C9orf78: variants seen among roughly 807,000 people sequenced by gnomAD.
C9orf78 encodes the protein chromosome 9 open reading frame 78.
Under a neutral mutation model 37.4 loss-of-function variants are expected in C9orf78, and 19 were observed. The observed-to-expected ratio is 0.51, with a 90% confidence interval of 0.35 to 0.74. The LOEUF is 0.74. Ranked by LOEUF, C9orf78 falls within the 30% of genes least tolerant of loss-of-function variation. The pLI is 0.01. For missense variants in C9orf78, 291 were observed against 370.8 expected (o/e 0.78, Z 1.77); for synonymous variants, 130 against 128.0 (o/e 1.02, Z -0.10).
Position 129,830,818 on chromosome 9 carries a change from A to C in C9orf78, c.542+53T>G, listed in dbSNP as rs949603485. The C allele has an allele frequency of 2.3e-6, 3 of 1,322,854 alleles. No homozygotes were observed. In the African/African-American group the frequency reaches 4.3e-5, roughly 19 times the overall value. The allele number at this position is 1,322,854 out of a possible 1,614,324, so 81.9% of individuals were successfully genotyped here. On this transcript the variant is annotated intron_variant, in intron 6 of 8. Coordinates refer to ENST00000372447, the MANE Select transcript of C9orf78 (RefSeq NM_016520.3). ...AGCCACCGTGCCTGGCCTGTCCCCC[A>C]TAACTTTTAACTGGAAAGCACTGTG...
chr9:129,833,819 G>A, intron 2 of C9orf78, 110 bp from the exon 3 acceptor site: 6 of 569,142 alleles, frequency 1.1e-5, no homozygotes, highest in Non-Finnish European at 1.9e-5. Flanking sequence ...GCAAGGGTGG[G>A]ATTTGAGGGG....
chr9:129,833,328 C>G, intron 4 of C9orf78, 119 bp downstream of exon 4: 1 of 687,616 alleles, frequency 1.5e-6, no homozygotes, highest in East Asian at 2.5e-5. Context: ...TTGCAAAGCA[C>G]AAAACCTGCT....
rs751175479 is a variant in C9orf78 at position 129,829,390 on chromosome 9, C to T, written c.679+15G>A. 10 of 1,612,120 alleles carry T rather than the reference C, an allele frequency of 6.2e-6. No homozygotes were observed. The African/African-American group carries it at 1.1e-4, about 17-fold the overall frequency. The stretch of plus-strand genomic sequence containing the variant: ...ATAGGGGAATGGGGGCAAGACTGCT[C>T]TCCGAGGGGCTTACATCTGTTGTGC... On this transcript the variant is annotated intron_variant, in intron 7 of 8. Coordinates refer to ENST00000372447, the MANE Select transcript of C9orf78 (RefSeq NM_016520.3).
intron 2 of C9orf78, chr9:129,834,464 T>C (rs2031624423): frequency 2.1e-6 from 1 of 472,026 alleles, no homozygotes; most frequent in African/African-American, 2.0e-5. Flanking sequence ...TAATTGGTTT[T>C]AATAAAAAAC....
chr9:129,833,673 C>G lies in C9orf78; in HGVS notation c.180G>C (p.Glu60Asp). Residue 60 changes from glutamate (E) to aspartate (D), a missense_variant, in exon 3 of 9, where the codon GAG (glutamate) becomes GAC (aspartate). Glu to Asp is a conservative substitution (Grantham distance 45). Transcript: ENST00000372447. ...CATAACTTACCACTAGAGTGGTCTC[C>G]TCTTGTACCTTCTCTCCCACCAGCA... is the stretch of plus-strand genomic sequence containing the variant. ...VALLVGEKVQ[E>D]ETTLVDDPFQ... 1.9e-6 allele frequency: 3 copies of G among 1,611,718 alleles called. No homozygotes were observed. The highest frequency in any genetic ancestry group is 2.5e-6 in the Non-Finnish European group (3 of 1,178,174).
intron 6 of C9orf78, chr9:129,829,765 C>T: frequency 2.1e-6 from 1 of 467,048 alleles, no homozygotes; most frequent in East Asian, 3.4e-5. Flanking sequence ...AATTGAGCTT[C>T]AGAGAAGTAA....
At chr9:129,833,954 T>C (rs1203579828) in intron 2 of C9orf78, 2 of 500,896 alleles carry the variant, frequency 4.0e-6, no homozygotes, top group African/African-American at 1.9e-5. Flanking sequence ...TGTAAAGCCA[T>C]TTGGCATTAT....
At position 129,829,260 on chromosome 9, in the gene C9orf78, T is replaced by G. The variant is rs977601405; in HGVS notation, c.723A>C (p.Glu241Asp). The stretch of plus-strand genomic sequence containing the variant: ...CTCTCAAGGGCCGGGCCTTGGGCTC[T>G]TCTTTGTTTCTCCGTATGGGCGCGT... ...ELNAPIRRNK[E>D]EPKARPLRVG... The change falls in exon 8 of 9, where the codon GAA becomes GAC. Residue 241 changes from glutamate to aspartate, a missense_variant. This residue lies in a region of C9orf78 where 120 missense variants were observed against 148.7 expected (regional missense o/e 0.81). Transcript: ENST00000372447. 1 of 1,612,338 alleles carries G rather than the reference T, an allele frequency of 6.2e-7. No individual in the cohort carries two copies. Among genetic ancestry groups the G allele is most frequent in the Non-Finnish European group, 8.5e-7 (1 of 1,179,432 alleles).
chr9:129,831,339 A>G (rs1312669176), intron 5 of C9orf78: 2 of 482,150 alleles, frequency 4.1e-6, no homozygotes, highest in Non-Finnish European at 7.4e-6. Flanking sequence ...TGTTGGCAAA[A>G]TAAAAAGTGG....
chr9:129,833,141 T>G (rs2031554419), intron 4 of C9orf78, among the ~76,000 whole-genome samples: 1 of 150,662 alleles, frequency 6.6e-6, no homozygotes, highest in African/African-American at 2.4e-5. Flanking sequence ...CTCACTATGT[T>G]GCCCAGGCTG....
intron 4 of C9orf78, among the ~76,000 whole-genome samples, chr9:129,833,067 ATGTGTGTGTG>A (rs3054828): frequency 2.9e-5 from 4 of 139,888 alleles, no homozygotes; most frequent in Admixed American, 1.4e-4. Flanking sequence ...GTGTGTACAT[ATGTGTGTGTG>A]TGTGTGTGTG....
At chr9:129,830,822 C>T (rs2031475103) in intron 6 of C9orf78, 49 bp downstream of exon 6, 2 of 1,377,664 alleles carry the variant, frequency 1.5e-6, no homozygotes, top group South Asian at 2.3e-5. Flanking sequence ...TCCCCCATAA[C>T]TTTTAACTGG....
intron 2 of C9orf78, 172 bp from the exon 3 acceptor site, chr9:129,833,881 G>C (rs1057173267): frequency 4.9e-6 from 3 of 606,114 alleles, no homozygotes; most frequent in Non-Finnish European, 5.9e-6. Context: ...AGGGCTCAAC[G>C]AGCACCGCAG....
At chr9:129,833,748 G>A (rs1049449940) in intron 2 of C9orf78, 39 bp from the exon 3 acceptor site, 1 of 1,473,850 alleles carries the variant, frequency 6.8e-7, no homozygotes, top group African/African-American at 1.4e-5. Context: ...GGGAGAGAGA[G>A]AAATGGCATA....
chr9:129,832,674 G>A (rs55815534), intron 4 of C9orf78, among the ~76,000 whole-genome samples: 11,077 of 152,248 alleles, frequency 0.073, 505 homozygotes, highest in Non-Finnish European at 0.096. Context: ...CCTGACCTCA[G>A]GTAATCCGCC....
At position 129,833,612 on chromosome 9, in the gene C9orf78, G is replaced by A. The variant is rs753258332; in HGVS notation, c.195+46C>T. 2.7e-6 allele frequency: 4 copies of A among 1,485,950 alleles called. No individual in the cohort carries two copies. In the South Asian group the frequency reaches 3.4e-5, roughly 13 times the overall value. The allele number at this position is 1,485,950 out of a possible 1,614,324, so 92.0% of individuals were successfully genotyped here. On this transcript the variant is annotated intron_variant, in intron 3 of 8. Transcript: ENST00000372447. ...GCACGCTCACTCACTGAAGAGCACT[G>A]CAGGGAGGGCTGCCATAACTACTCA...
intron 5 of C9orf78, chr9:129,831,594 T>C (rs999465938): frequency 3.6e-6 from 1 of 280,944 alleles, no homozygotes; most frequent in African/African-American, 2.2e-5. Flanking sequence ...CCAGCTAATT[T>C]TGTATTTTCA....
At position 129,833,650 on chromosome 9, in the gene C9orf78, T is replaced by A; in HGVS notation, c.195+8A>T. 6.2e-7 allele frequency: 1 copy of A among 1,602,910 alleles called. No individual in the cohort carries two copies. Among genetic ancestry groups the A allele is most frequent in the Non-Finnish European group, 8.5e-7 (1 of 1,170,480 alleles). ...CCATAACTACTCAGGGAAGACCCCA[T>A]AACTTACCACTAGAGTGGTCTCCTC... On this transcript the variant is annotated splice_region_variant and intron_variant, in intron 3 of 8. Coordinates refer to ENST00000372447, the MANE Select transcript of C9orf78 (RefSeq NM_016520.3).
intron 6 of C9orf78, 196 bp from the exon 7 acceptor site, chr9:129,829,737 C>CGGTTGA: frequency 3.8e-6 from 2 of 527,228 alleles, no homozygotes; most frequent in South Asian, 5.8e-5. Flanking sequence ...AGTTACTCTG[C>CGGTTGA]TCTTCTGATC....
Sources: allele counts gnomAD v4.1 joint callset (sites outside exome capture counted in the v4.1 genomes callset), GRCh38; gene constraint gnomAD v4.1.1; regional missense constraint gnomAD v4.1.1; transcripts MANE v1.5; gene names NCBI Gene and HGNC (gene_info 2026-07-23, HGNC 2026-07-21).